The following LHFPL3 variants were observed in gnomAD, a reference collection of about 807,000 sequenced individuals.
LHFPL3 encodes the protein LHFPL tetraspan subfamily member 3 protein.
A neutral mutation model predicts 19.3 loss-of-function variants in LHFPL3; 5 were observed. The observed-to-expected ratio is 0.26, with a 90% CI of 0.14 to 0.54. LHFPL3 has a LOEUF of 0.54. Ranked by LOEUF, LHFPL3 falls within the 20% of genes least tolerant of loss-of-function variation. LHFPL3 has a pLI of 0.94. For synonymous variants in LHFPL3, 133 were observed against 126.2 expected (o/e 1.05, Z -0.36); for missense variants, 249 against 307.4 (o/e 0.81, Z 1.42).
chr7:104,379,551 A>G (rs545185982), intron 1 of LHFPL3, among the ~76,000 whole-genome samples: 3 of 152,196 alleles, frequency 2.0e-5, no homozygotes, highest in African/African-American at 7.2e-5. Context: ...GGACAAGTCA[A>G]TTATTTAAAT....
chr7:104,668,862 G>A (rs1792416692), intron 1 of LHFPL3: 2 of 1,611,992 alleles, frequency 1.2e-6, no homozygotes, highest in African/African-American at 1.3e-5. Flanking sequence ...GCTAGAGAAA[G>A]AGAAGTAGAA....
chr7:104,814,251 T>C (rs573635561), intron 2 of LHFPL3, among the ~76,000 whole-genome samples: 4 of 151,992 alleles, frequency 2.6e-5, no homozygotes, highest in Non-Finnish European at 5.9e-5. Flanking sequence ...GGTTGTCCCA[T>C]CATCTGCACA....
At chr7:104,845,594 G>A (rs1280094977) in intron 2 of LHFPL3, 1 of 394,180 alleles carries the variant, frequency 2.5e-6, no homozygotes, top group Non-Finnish European at 3.5e-6. Context: ...CTTTGTTCCT[G>A]ATTTTATATT....
At chr7:104,436,739 A>T (rs1792114349) in intron 1 of LHFPL3, among the ~76,000 whole-genome samples, 1 of 152,166 alleles carries the variant, frequency 6.6e-6, no homozygotes, top group Admixed American at 6.5e-5. Flanking sequence ...CCCATGCATT[A>T]TTTACTCAAA....
At chr7:104,826,871 A>T (rs987014750) in intron 2 of LHFPL3, 10 of 147,768 alleles carry the variant, frequency 6.8e-5, no homozygotes, top group African/African-American at 2.2e-4. Flanking sequence ...GCTCTGACAT[A>T]AAAAAAAAAG....
intron 1 of LHFPL3, among the ~76,000 whole-genome samples, chr7:104,366,137 G>A (rs1052836549): frequency 2.0e-5 from 3 of 152,172 alleles, no homozygotes; most frequent in East Asian, 3.9e-4. Context: ...AGCAGAGAGC[G>A]TTCTTTGGGC....
chr7:104,438,360 C>T (rs1218951866), intron 1 of LHFPL3, among the ~76,000 whole-genome samples: 2 of 152,160 alleles, frequency 1.3e-5, no homozygotes, highest in African/African-American at 4.8e-5. Context: ...GTTACTCTGC[C>T]ATTGGTTACA....
At chr7:104,736,092 A>G (rs747956768) in intron 1 of LHFPL3, among the ~76,000 whole-genome samples, 2 of 152,144 alleles carry the variant, frequency 1.3e-5, no homozygotes, top group East Asian at 3.9e-4. Context: ...TTCCACCAAC[A>G]GTGTATCCTT....
At chr7:104,695,021 G>C (rs1054593676) in intron 1 of LHFPL3, among the ~76,000 whole-genome samples, 52 of 152,336 alleles carry the variant, frequency 3.4e-4, no homozygotes, top group African/African-American at 1.2e-3. Flanking sequence ...CATGAAGAAA[G>C]GCAGACTTAA....
intron 1 of LHFPL3, among the ~76,000 whole-genome samples, chr7:104,420,815 G>C (rs1341027955): frequency 6.6e-6 from 1 of 151,950 alleles, no homozygotes; most frequent in East Asian, 1.9e-4. Context: ...GCCCATCTCG[G>C]CCTCCCAAAG....
At chr7:104,355,015 T>A (rs897600821) in intron 1 of LHFPL3, among the ~76,000 whole-genome samples, 2 of 152,198 alleles carry the variant, frequency 1.3e-5, no homozygotes, top group African/African-American at 4.8e-5. Flanking sequence ...AGTGGTCAAA[T>A]TGAAATATAG....
At chr7:104,396,685 A>G (rs1791194487) in intron 1 of LHFPL3, among the ~76,000 whole-genome samples, 1 of 151,342 alleles carries the variant, frequency 6.6e-6, no homozygotes. Context: ...GGGCAGGCGC[A>G]GTGGCTCATG....
chr7:104,768,834 T>C (rs570558816), intron 2 of LHFPL3: 1 of 152,366 alleles, frequency 6.6e-6, no homozygotes, highest in East Asian at 1.9e-4. Flanking sequence ...ATACAAATGT[T>C]AATCAGAATA....
intron 1 of LHFPL3, among the ~76,000 whole-genome samples, chr7:104,635,060 C>T (rs1490257208): frequency 6.6e-6 from 1 of 151,820 alleles, no homozygotes; most frequent in African/African-American, 2.4e-5. Flanking sequence ...TTTTAAAGAA[C>T]AATTAAAGAA....
intron 1 of LHFPL3, among the ~76,000 whole-genome samples, chr7:104,487,181 C>G (rs1050332914): frequency 6.6e-6 from 1 of 152,154 alleles, no homozygotes; most frequent in African/African-American, 2.4e-5. Context: ...CCAGTTTTAT[C>G]ATAGGCCAAT....
chr7:104,562,293 C>T (rs1481194165), intron 1 of LHFPL3, among the ~76,000 whole-genome samples: 7 of 152,062 alleles, frequency 4.6e-5, no homozygotes, highest in Non-Finnish European at 8.8e-5. Context: ...AACTTGGTTC[C>T]ATTCTCCCCA....
chr7:104,848,362 T>C (rs1190808418), intron 2 of LHFPL3, among the ~76,000 whole-genome samples: 2 of 152,108 alleles, frequency 1.3e-5, no homozygotes, highest in Admixed American at 6.6e-5. Context: ...TAGCACTGTT[T>C]GTTTGAAGAG....
chr7:104,451,399 C>G (rs1045249464), intron 1 of LHFPL3, among the ~76,000 whole-genome samples: 19 of 152,176 alleles, frequency 1.2e-4, no homozygotes, highest in African/African-American at 4.6e-4. Context: ...TATCTAATCT[C>G]TAAAGCACTG....
Position 104,614,585 on chromosome 7 carries a change from T to TAC in LHFPL3, c.446-122090_446-122089insAC, listed in dbSNP as rs1290387786. On this transcript the variant is annotated intron_variant, in intron 1 of 2. Transcript: ENST00000424859. ...ACTGTCCAAAGAGCCTCCTCTTCTCTTCTCTCTCTTCTCTTCTCTTCTCTT... is the reference window on the plus strand; with the variant it reads ...ACTGTCCAAAGAGCCTCCTCTTCTCTACTCTCTCTCTTCTCTTCTCTTCTCTT... Among the ~76,000 whole-genome samples the TAC allele has an allele frequency of 8.2e-3, 766 of 93,318 alleles. 142 individuals carry two copies. The highest frequency in any genetic ancestry group is 0.022 in the Middle Eastern group (4 of 182). 61.2% of individuals were successfully genotyped at this position (93,318 alleles called of 152,430 possible). A position where few individuals can be genotyped will look rare whatever the true frequency, so the allele number is the denominator to read the frequency against.
Sources: allele counts gnomAD v4.1 joint callset (sites outside exome capture counted in the v4.1 genomes callset), GRCh38; gene constraint gnomAD v4.1.1; transcripts MANE v1.5; gene names NCBI Gene and HGNC (gene_info 2026-07-23, HGNC 2026-07-21).